Variants in MBTPS1 observed in about 807,000 individuals in gnomAD.
The protein encoded by MBTPS1 is membrane bound transcription factor peptidase, site 1.
In MBTPS1, 94 loss-of-function variants were observed where a neutral mutation model predicts 127.8. The observed-to-expected ratio is 0.74, with a 90% CI of 0.62 to 0.87. The LOEUF (loss-of-function observed/expected upper bound fraction) is 0.87, where lower values mean the gene tolerates loss of function less well. MBTPS1 is among the 40% of genes least tolerant of loss of function. The probability of loss-of-function intolerance (pLI) is 0.00; values close to 1 mark genes in which losing one functional copy is unlikely to be tolerated. For synonymous variants in MBTPS1, 632 were observed against 509.4 expected, an observed-to-expected ratio of 1.24 and a Z score of -3.24; for missense variants, 1,636 against 1,353.2, an observed-to-expected ratio of 1.21 and a Z score of -3.28.
chr16:84,091,898 G>C (rs746078144), intron 6 of MBTPS1, 50 bp from the exon 7 acceptor site: 1 of 1,051,094 alleles, frequency 9.5e-7, no homozygotes, highest in African/African-American at 1.6e-5. Flanking sequence ...AAGTTTTAAA[G>C]TGCTAGGACA....
At chr16:84,103,721 T>C (rs1159307992) in intron 1 of MBTPS1, among the ~76,000 whole-genome samples, 1 of 152,184 alleles carries the variant, frequency 6.6e-6, no homozygotes, top group African/African-American at 2.4e-5. Context: ...ATTGATAAAG[T>C]ACCGTGAGGG....
In MBTPS1 at chr16:84,063,330, G is replaced by T; in HGVS notation, c.2547C>A (p.Cys849Ter). Residue 849 changes from cysteine (C) to a stop codon, truncating the protein, a stop_gained, in exon 19 of 23, where the codon TGC (cysteine) becomes TGA (stop). Transcript: ENST00000343411. LOFTEE classifies it high-confidence loss of function. ...GRIVLYGDSN[C>*]LDDSHRQKDC... ...CCTTCTGTCGGTGACTGTCATCCAA[G>T]CAATTGGAGTCCCCATACAGTACAA... 1 of 1,612,104 alleles carries T rather than the reference G, an allele frequency of 6.2e-7. No individual in the cohort carries two copies. Among genetic ancestry groups the T allele is most frequent in the Non-Finnish European group, 8.5e-7 (1 of 1,178,378 alleles).
At chr16:84,083,828 G>T (rs1336467374) in intron 10 of MBTPS1, among the ~76,000 whole-genome samples, 1 of 152,114 alleles carries the variant, frequency 6.6e-6, no homozygotes, top group African/African-American at 2.4e-5. Context: ...TATTTTTGGG[G>T]AAAATACAGT....
chr16:84,068,560 A>G lies in MBTPS1; in HGVS notation c.1956-106T>C, dbSNP rs2085724756. 4 of 770,542 alleles carry G rather than the reference A, an allele frequency of 5.2e-6. No homozygotes were observed. The South Asian group carries it at 6.3e-5, about 12-fold the overall frequency. The allele number at this position is 770,542 out of a possible 1,614,324, so 47.7% of individuals were successfully genotyped here. ...GCAAGAGCACCATGCCATGGCCCAC[A>G]GAGAAGGCCTGGATGGCTGGCCCAC... On this transcript the variant is annotated intron_variant, in intron 14 of 22. Transcript: ENST00000343411.
At chr16:84,095,951 G>A (rs2086174314) in intron 3 of MBTPS1, 146 bp from the exon 4 acceptor site, 1 of 637,810 alleles carries the variant, frequency 1.6e-6, no homozygotes, top group Non-Finnish European at 2.8e-6. Flanking sequence ...TTTCTGGAAG[G>A]ACAGTCTCAA....
chr16:84,082,032 C>A, intron 10 of MBTPS1, 124 bp from the exon 11 acceptor site: 1 of 599,936 alleles, frequency 1.7e-6, no homozygotes, highest in Non-Finnish European at 2.5e-6. Flanking sequence ...CCAACAGGTG[C>A]TTGTCTGGCA....
Position 84,069,980 on chromosome 16 carries a change from A to C in MBTPS1, c.1841T>G (p.Ile614Ser). ...TVKLPIKVKI[I>S]PTPPRSKRVL... ...TCTCTTGCTTCGCGGGGGAGTAGGA[A>C]TTATCTTCACCTTAATGGGGAGCTT... Residue 614 changes from isoleucine to serine, a missense_variant, in exon 14 of 23, where the codon ATT becomes AGT. Ile to Ser is a moderately radical substitution (Grantham distance 142, BLOSUM62 -2). Coordinates refer to ENST00000343411, the MANE Select transcript of MBTPS1 (RefSeq NM_003791.4). 1 of 1,614,144 alleles carries C rather than the reference A, an allele frequency of 6.2e-7. No homozygotes were observed. The highest frequency in any genetic ancestry group is 8.5e-7 in the Non-Finnish European group (1 of 1,179,998).
intron 15 of MBTPS1, 86 bp from the exon 16 acceptor site, chr16:84,067,909 G>T: frequency 7.5e-7 from 1 of 1,335,892 alleles, no homozygotes; most frequent in Non-Finnish European, 1.0e-6. Context: ...CCAGGTACAT[G>T]TCTCAGGTTA....
intron 6 of MBTPS1, among the ~76,000 whole-genome samples, chr16:84,092,691 C>G (rs1046305947): frequency 2.6e-5 from 4 of 152,188 alleles, no homozygotes; most frequent in African/African-American, 9.7e-5. Flanking sequence ...TACTAGGACC[C>G]TCTCCCTTTT....
chr16:84,096,524 C>T (rs1048074630), intron 3 of MBTPS1, among the ~76,000 whole-genome samples: 2 of 152,218 alleles, frequency 1.3e-5, no homozygotes. Context: ...GGCAGTACCA[C>T]AGAAATGGCC....
chr16:84,097,141 C>T (rs2086188503), intron 3 of MBTPS1, among the ~76,000 whole-genome samples: 1 of 152,100 alleles, frequency 6.6e-6, no homozygotes, highest in African/African-American at 2.4e-5. Flanking sequence ...ACTACTGTCA[C>T]GCAGAAAACA....
chr16:84,059,320 A>G lies in MBTPS1; in HGVS notation c.2813T>C (p.Leu938Ser). Reference sequence around the variant, plus strand: ...CACTAACCTGGGCGCCGTCTCGTTTAAAGGCTGTGGCTTGGCCCAAGACAA... The same window carrying G: ...CACTAACCTGGGCGCCGTCTCGTTTGAAGGCTGTGGCTTGGCCCAAGACAA... ...PRLSWAKPQP[L>S]NETAPSNLWK... is the part of the protein sequence containing the mutation. Residue 938 changes from leucine (L) to serine (S), a missense_variant, in exon 21 of 23, where the codon TTA (leucine) becomes TCA (serine). Physicochemically the swap from Leu to Ser is moderately radical, Grantham distance 145 (BLOSUM62 -2). Transcript: ENST00000343411. The G allele has an allele frequency of 6.2e-7, 1 of 1,614,022 alleles. No individual in the cohort carries two copies. Among genetic ancestry groups the G allele is most frequent in the South Asian group, 1.1e-5 (1 of 91,076 alleles).
At chr16:84,092,629 T>A (rs972494537) in intron 6 of MBTPS1, among the ~76,000 whole-genome samples, 2 of 152,118 alleles carry the variant, frequency 1.3e-5, no homozygotes, top group African/African-American at 4.8e-5. Flanking sequence ...GAGCTATGCA[T>A]TACCTATTCA....
intron 8 of MBTPS1, among the ~76,000 whole-genome samples, chr16:84,090,467 G>C (rs1017981850): frequency 6.6e-6 from 1 of 152,184 alleles, no homozygotes; most frequent in African/African-American, 2.4e-5. Context: ...CTCTTTCAGA[G>C]AGAGGCAGAA....
In MBTPS1 at chr16:84,116,937, C is replaced by T. The variant is rs950110488; in HGVS notation, c.-527G>A. The T allele has an allele frequency of 6.6e-6, 1 of 152,210 alleles. No individual in the cohort carries two copies. Among genetic ancestry groups the T allele is most frequent in the Non-Finnish European group, 1.5e-5 (1 of 68,040 alleles). The allele number at this position is 152,210 out of a possible 1,614,324, so 9.4% of individuals were successfully genotyped here. ...CCCGCGCTCCCGGGGCTTGCGTGCGCGCTCTGGACGCCGTGGGCAGCGGGA... is the reference window on the plus strand; with the variant it reads ...CCCGCGCTCCCGGGGCTTGCGTGCGTGCTCTGGACGCCGTGGGCAGCGGGA... On this transcript the variant is annotated 5_prime_UTR_variant, in exon 1 of 23. Coordinates refer to ENST00000343411, the MANE Select transcript of MBTPS1 (RefSeq NM_003791.4).
chr16:84,106,812 G>A (rs780316381), intron 1 of MBTPS1, among the ~76,000 whole-genome samples: 3 of 152,228 alleles, frequency 2.0e-5, no homozygotes, highest in Non-Finnish European at 4.4e-5. Flanking sequence ...GCTTGGACCA[G>A]GGCGGGCAGG....
rs1597310160 is a variant in MBTPS1 at position 84,066,697 on chromosome 16, A to G, written c.2229-84T>C. ...TATTTAGTCTCTGTGACAAAACTCA[A>G]TTTCTCCTGCCACAATCCAGTCCTT... On this transcript the variant is annotated intron_variant, in intron 16 of 22. Coordinates refer to ENST00000343411, the MANE Select transcript of MBTPS1 (RefSeq NM_003791.4). 4 of 1,329,476 alleles carry G rather than the reference A, an allele frequency of 3.0e-6. No individual in the cohort carries two copies. In the South Asian group the frequency reaches 5.5e-5, roughly 18 times the overall value. 82.4% of individuals were successfully genotyped at this position (1,329,476 alleles called of 1,614,324 possible). A position where few individuals can be genotyped will look rare whatever the true frequency, so the allele number is the denominator to read the frequency against.
At chr16:84,116,303 G>C (rs1370588151) in intron 1 of MBTPS1, among the ~76,000 whole-genome samples, 1 of 152,196 alleles carries the variant, frequency 6.6e-6, no homozygotes, top group Admixed American at 6.5e-5. Flanking sequence ...CTGGTTCTGA[G>C]AGTTCGCCGA....
chr16:84,079,672 T>C (rs1407551200), intron 11 of MBTPS1, among the ~76,000 whole-genome samples: 1 of 152,148 alleles, frequency 6.6e-6, no homozygotes, highest in Admixed American at 6.5e-5. Context: ...TGTTGGAGAA[T>C]GGAGTTAGAA....
Sources: gnomAD v4.1 joint callset for allele counts (sites outside exome capture counted in the v4.1 genomes callset) on GRCh38, gnomAD v4.1.1 for gene constraint, MANE v1.5 for transcripts, NCBI Gene and HGNC (gene_info 2026-07-23, HGNC 2026-07-21) for gene names.